The following PRKG1 variants were observed in gnomAD, a reference collection of about 807,000 sequenced individuals.
The protein encoded by PRKG1 is cGMP-dependent protein kinase 1.
In PRKG1, 35 loss-of-function variants were observed where a neutral mutation model predicts 88.1. The observed-to-expected ratio is 0.40, with a 90% CI of 0.30 to 0.53. The LOEUF (loss-of-function observed/expected upper bound fraction) is 0.53, where lower values mean the gene tolerates loss of function less well. Among genes scored for constraint, PRKG1 ranks in the 20% least tolerant of loss-of-function variants. PRKG1 has a pLI of 0.59. For synonymous variants in PRKG1, 303 were observed against 292.5 expected (o/e 1.04, Z -0.37); for missense variants, 540 against 839.8 (o/e 0.64, Z 4.41).
At chr10:51,587,853 G>A (rs1488823664) in intron 3 of PRKG1, among the ~76,000 whole-genome samples, 1 of 152,044 alleles carries the variant, frequency 6.6e-6, no homozygotes, top group African/African-American at 2.4e-5. Flanking sequence ...TGATGTTTTG[G>A]GATTATGTAA....
At chr10:51,561,951 A>G (rs7903544) in intron 3 of PRKG1, among the ~76,000 whole-genome samples, 22,210 of 152,062 alleles carry the variant, frequency 0.15, 1,779 homozygotes, top group African/African-American at 0.21. Flanking sequence ...GGCTGGGCAC[A>G]GTGACTCATG....
At chr10:51,388,292 C>T (rs1837302750) in intron 2 of PRKG1, among the ~76,000 whole-genome samples, 1 of 152,156 alleles carries the variant, frequency 6.6e-6, no homozygotes, top group Admixed American at 6.5e-5. Context: ...ATCTGACTCT[C>T]TTACTTCTGA....
At chr10:51,559,130 G>T (rs1837391498) in intron 3 of PRKG1, among the ~76,000 whole-genome samples, 1 of 151,848 alleles carries the variant, frequency 6.6e-6, no homozygotes, top group African/African-American at 2.4e-5. Flanking sequence ...TATATGGCTT[G>T]GTACTACTCA....
At chr10:51,712,772 G>A (rs980839626) in intron 3 of PRKG1, among the ~76,000 whole-genome samples, 1 of 151,610 alleles carries the variant, frequency 6.6e-6, no homozygotes, top group African/African-American at 2.4e-5. Context: ...TGTATTTTTA[G>A]TAGAGACGGG....
intron 5 of PRKG1, chr10:51,908,705 C>CTATGTA (rs59864212): frequency 8.9e-6 from 1 of 112,566 alleles, no homozygotes; most frequent in Admixed American, 8.5e-5. Flanking sequence ...CTCTCTCTCT[C>CTATGTA]TCTCTCTCTG....
At chr10:51,218,367 A>G (rs905627430) in intron 2 of PRKG1, among the ~76,000 whole-genome samples, 19 of 151,590 alleles carry the variant, frequency 1.3e-4, no homozygotes, top group African/African-American at 4.1e-4. Context: ...ATCCTCAACT[A>G]TGAGATCACA....
chr10:51,277,237 G>C (rs1352828410), intron 2 of PRKG1, among the ~76,000 whole-genome samples: 1 of 152,064 alleles, frequency 6.6e-6, no homozygotes, highest in East Asian at 1.9e-4. Flanking sequence ...CCCATTTCTT[G>C]TTTTTGTCAG....
chr10:51,580,602 C>T (rs1838006106), intron 3 of PRKG1, among the ~76,000 whole-genome samples: 1 of 152,112 alleles, frequency 6.6e-6, no homozygotes, highest in African/African-American at 2.4e-5. Flanking sequence ...TCTTGTCCAA[C>T]ACTTACCTAC....
intron 3 of PRKG1, among the ~76,000 whole-genome samples, chr10:51,639,436 C>CAAAAAAAAAAAAA (rs769304908): frequency 1.6e-4 from 5 of 31,780 alleles, no homozygotes; most frequent in Admixed American, 5.6e-4. Context: ...GACTCCATCT[C>CAAAAAAAAAAAAA]AAAAAAAAAA....
chr10:51,200,328 A>G (rs1280360914), intron 2 of PRKG1, among the ~76,000 whole-genome samples: 3 of 152,256 alleles, frequency 2.0e-5, no homozygotes, highest in East Asian at 3.8e-4. Flanking sequence ...CTCTGTGCCT[A>G]GCACAAACAT....
At chr10:51,464,407 T>G (rs982029030) in intron 2 of PRKG1, among the ~76,000 whole-genome samples, 3 of 152,214 alleles carry the variant, frequency 2.0e-5, no homozygotes, top group Non-Finnish European at 2.9e-5. Context: ...AAAGATGTTT[T>G]ATGTCAAAAC....
rs190424795 is a variant in PRKG1, at chr10:51,574,995, G to T, written c.592+107159G>T. Among the ~76,000 whole-genome samples, 209 of 152,030 alleles carry T rather than the reference G, an allele frequency of 1.4e-3. 1 individual carries two copies. Among genetic ancestry groups the T allele is most frequent in the Non-Finnish European group, 1.1e-3 (77 of 67,906 alleles). The stretch of plus-strand genomic sequence containing the variant: ...GTGAACTTTTGATAACATTACAGAT[G>T]ATATAGTCACTTACATGGAATTGGT... On this transcript the variant is annotated intron_variant, in intron 3 of 17. Transcript: ENST00000373980.
chr10:52,035,260 G>T (rs1320811330), intron 5 of PRKG1, among the ~76,000 whole-genome samples: 1 of 152,170 alleles, frequency 6.6e-6, no homozygotes, highest in Non-Finnish European at 1.5e-5. Flanking sequence ...CTCAGGGCAT[G>T]TTGAGTAAAG....
chr10:51,460,454 C>G (rs139924800), intron 2 of PRKG1, among the ~76,000 whole-genome samples: 2 of 152,210 alleles, frequency 1.3e-5, no homozygotes, highest in African/African-American at 4.8e-5. Context: ...GCTTAATACA[C>G]TTGACTTAAT....
chr10:51,611,090 C>T (rs560834103), intron 3 of PRKG1, among the ~76,000 whole-genome samples: 2 of 151,606 alleles, frequency 1.3e-5, no homozygotes, highest in Non-Finnish European at 1.5e-5. Flanking sequence ...TAAACATAGA[C>T]GTTTATGTGT....
chr10:51,895,787 A>C (rs1409330549), intron 4 of PRKG1, among the ~76,000 whole-genome samples: 2 of 152,076 alleles, frequency 1.3e-5, no homozygotes, highest in African/African-American at 4.8e-5. Context: ...ATTCATTGGA[A>C]TCTAAGAGTG....
intron 5 of PRKG1, among the ~76,000 whole-genome samples, chr10:51,947,954 A>C (rs1243141620): frequency 6.6e-6 from 1 of 152,228 alleles, no homozygotes; most frequent in Non-Finnish European, 1.5e-5. Flanking sequence ...AAGACTGGAC[A>C]CCGTCATTAA....
At chr10:51,802,079 G>T (rs1014136686) in intron 3 of PRKG1, among the ~76,000 whole-genome samples, 1 of 152,102 alleles carries the variant, frequency 6.6e-6, no homozygotes, top group Non-Finnish European at 1.5e-5. Context: ...ATATATTTTT[G>T]AATGGTCTCT....
chr10:51,508,570 A>T (rs932642255), intron 3 of PRKG1, among the ~76,000 whole-genome samples: 1 of 152,064 alleles, frequency 6.6e-6, no homozygotes, highest in African/African-American at 2.4e-5. Flanking sequence ...AAAAAACCTT[A>T]AATCTTTTGC....
Sources: gnomAD v4.1 joint callset for allele counts (sites outside exome capture counted in the v4.1 genomes callset) on GRCh38, gnomAD v4.1.1 for gene constraint, MANE v1.5 for transcripts, NCBI Gene and HGNC (gene_info 2026-07-23, HGNC 2026-07-21) for gene names.